TNIP3: variants seen among roughly 807,000 people sequenced by gnomAD.
TNIP3 encodes TNFAIP3-interacting protein 3.
A neutral mutation model predicts 54.1 loss-of-function variants in TNIP3; 34 were observed. That is an observed-to-expected ratio of 0.63 (90% CI 0.48 to 0.84). TNIP3 has a LOEUF of 0.84. TNIP3 is among the 40% of genes least tolerant of loss of function. The probability of loss-of-function intolerance (pLI) is 0.00; values close to 1 mark genes in which losing one functional copy is unlikely to be tolerated. For synonymous variants in TNIP3, 134 were observed against 136.8 expected (o/e 0.98, Z 0.14); for missense variants, 366 against 387.6 (o/e 0.94, Z 0.47).
intron 1 of TNIP3, among the ~76,000 whole-genome samples, chr4:121,227,079 T>C (rs1727287872): frequency 6.6e-6 from 1 of 152,186 alleles, no homozygotes; most frequent in Non-Finnish European, 1.5e-5. Context: ...ATTCACTTAG[T>C]TAAATGTGTC....
chr4:121,156,005 C>T (rs1332359294), intron 4 of TNIP3, among the ~76,000 whole-genome samples: 1 of 151,920 alleles, frequency 6.6e-6, no homozygotes, highest in African/African-American at 2.4e-5. Context: ...AGATAATGGT[C>T]CCAACTGCAT....
intron 2 of TNIP3, among the ~76,000 whole-genome samples, chr4:121,201,788 A>G (rs529971794): frequency 6.6e-6 from 1 of 152,216 alleles, no homozygotes; most frequent in Non-Finnish European, 1.5e-5. Context: ...GTATCAGTAC[A>G]TGAGGATCAC....
chr4:121,160,487 A>G (rs1033895828), intron 2 of TNIP3, among the ~76,000 whole-genome samples: 3 of 152,008 alleles, frequency 2.0e-5, no homozygotes, highest in Non-Finnish European at 2.9e-5. Context: ...AAAAAAAAAA[A>G]AGAAGGAATT....
chr4:121,225,753 C>T (rs1015342227), intron 1 of TNIP3, among the ~76,000 whole-genome samples: 3 of 152,082 alleles, frequency 2.0e-5, no homozygotes, highest in Non-Finnish European at 4.4e-5. Flanking sequence ...CTTTGCCTTC[C>T]CCTTCTCACT....
intron 2 of TNIP3, among the ~76,000 whole-genome samples, chr4:121,205,501 G>A (rs1726133053): frequency 1.3e-5 from 2 of 152,116 alleles, no homozygotes; most frequent in Non-Finnish European, 1.5e-5. Context: ...GGGATATGAT[G>A]TGACATAGTT....
chr4:121,170,451 G>A (rs1209019389), intron 3 of TNIP3, among the ~76,000 whole-genome samples: 1 of 152,178 alleles, frequency 6.6e-6, no homozygotes, highest in Non-Finnish European at 1.5e-5. Flanking sequence ...AGGTAGGACT[G>A]TGAACACACG....
intron 3 of TNIP3, among the ~76,000 whole-genome samples, chr4:121,182,237 A>C (rs553120748): frequency 1.6e-4 from 24 of 152,208 alleles, no homozygotes; most frequent in Non-Finnish European, 2.8e-4. Flanking sequence ...TTCAAAGTCA[A>C]ACAACTCCTT....
chr4:121,210,230 A>G (rs1383103472), intron 2 of TNIP3, among the ~76,000 whole-genome samples: 2 of 150,938 alleles, frequency 1.3e-5, no homozygotes, highest in Non-Finnish European at 2.9e-5. Flanking sequence ...ATTATAATTT[A>G]TAATAAAGAA....
At chr4:121,169,161 CT>C (rs575780664), upstream of TNIP3, among the ~76,000 whole-genome samples, 116 of 152,262 alleles carry the variant, frequency 7.6e-4, no homozygotes, top group Non-Finnish European at 1.3e-3. Flanking sequence ...AAGCAGAACT[CT>C]TTATAGTGGC....
intron 3 of TNIP3, among the ~76,000 whole-genome samples, chr4:121,179,127 T>C (rs145158544): frequency 6.0e-4 from 91 of 152,274 alleles, no homozygotes; most frequent in African/African-American, 2.2e-3. Flanking sequence ...GTAAACAGCA[T>C]GTGAAATGAT....
At chr4:121,192,443 A>G (rs1162076844) in intron 2 of TNIP3, among the ~76,000 whole-genome samples, 1 of 152,150 alleles carries the variant, frequency 6.6e-6, no homozygotes, top group African/African-American at 2.4e-5. Context: ...CCTTTGCATG[A>G]GTTTTGTTTG....
intron 2 of TNIP3, among the ~76,000 whole-genome samples, chr4:121,184,808 C>G (rs913966843): frequency 1.3e-5 from 2 of 152,186 alleles, no homozygotes; most frequent in African/African-American, 4.8e-5. Context: ...ACTGGGCCTA[C>G]AGCAAATCCT....
At chr4:121,162,234 A>T (rs1730496551) in intron 1 of TNIP3, among the ~76,000 whole-genome samples, 1 of 152,170 alleles carries the variant, frequency 6.6e-6, no homozygotes, top group South Asian at 2.1e-4. Context: ...TATTTATAAA[A>T]CTGTATTTTC....
At chr4:121,217,224 T>G (rs762730918), upstream of TNIP3, among the ~76,000 whole-genome samples, 1 of 152,172 alleles carries the variant, frequency 6.6e-6, no homozygotes, top group Non-Finnish European at 1.5e-5. Context: ...AGCCAATTCC[T>G]GCAGGCAATT....
intron 10 of TNIP3, among the ~76,000 whole-genome samples, chr4:121,135,590 G>A (rs548791856): frequency 6.6e-6 from 1 of 151,914 alleles, no homozygotes; most frequent in Non-Finnish European, 1.5e-5. Context: ...GTAGAGACAG[G>A]GTTTCACCAT....
chr4:121,151,448 T>C (rs1395623377), intron 5 of TNIP3, among the ~76,000 whole-genome samples: 2 of 152,208 alleles, frequency 1.3e-5, no homozygotes, highest in Non-Finnish European at 2.9e-5. Context: ...CTGATATGAA[T>C]ATCATTTTTT....
At chr4:121,159,284 A>C (rs13112211) in intron 2 of TNIP3, among the ~76,000 whole-genome samples, 1 of 151,994 alleles carries the variant, frequency 6.6e-6, no homozygotes, top group Non-Finnish European at 1.5e-5. Flanking sequence ...GAAAAGAAAA[A>C]CCAGTAAGTC....
At position 121,145,686 on chromosome 4, in the gene TNIP3, T is replaced by A. The variant is rs143304045; in HGVS notation, c.735+1363A>T. Among the ~76,000 whole-genome samples, 1,048 of 151,134 alleles carry A rather than the reference T, an allele frequency of 6.9e-3. 8 individuals are homozygous for A. The highest frequency in any genetic ancestry group is 0.024 in the African/African-American group (984 of 41,410). On this transcript the variant is annotated intron_variant, in intron 7 of 10. Transcript: ENST00000057513. ...AATTGTTTTAAAATTAAAGTTGTTT[T>A]ACTTGCTGTTTTACTGGCAGCAAAT...
chr4:121,165,061 G>A (rs1327354127), upstream of TNIP3, among the ~76,000 whole-genome samples: 1 of 151,716 alleles, frequency 6.6e-6, no homozygotes, highest in Non-Finnish European at 1.5e-5. Flanking sequence ...TGGAACAAAA[G>A]GAAAGAGGCA....
Sources: gnomAD v4.1 joint callset for allele counts (sites outside exome capture counted in the v4.1 genomes callset) on GRCh38, gnomAD v4.1.1 for gene constraint, MANE v1.5 for transcripts, NCBI Gene and HGNC (gene_info 2026-07-23, HGNC 2026-07-21) for gene names.